The following SPAG17 variants were observed in gnomAD, a reference collection of about 807,000 sequenced individuals.
SPAG17 encodes the protein sperm associated antigen 17.
A neutral mutation model predicts 273.6 loss-of-function variants in SPAG17; 169 were observed. The observed-to-expected ratio is 0.62, with a 90% CI of 0.55 to 0.70. The LOEUF (loss-of-function observed/expected upper bound fraction) is 0.70. Among genes scored for constraint, SPAG17 ranks in the 30% least tolerant of loss-of-function variants. The pLI is 0.00. For missense variants in SPAG17, 2,557 were observed against 2,627.8 expected, an observed-to-expected ratio of 0.97 and a Z score of 0.59; for synonymous variants, 825 against 873.2, an observed-to-expected ratio of 0.94 and a Z score of 0.97.
Position 118,104,166 on chromosome 1 carries a change from CTTAGA to C in SPAG17, c.448-2245_448-2241del, listed in dbSNP as rs1656248765. ...TAGTCCAGAGAAAACCCAATAGTGA[CTTAGA>C]TTAAAGTGTTGGCAGAGTGAAGAAA... On this transcript the variant is annotated intron_variant, in intron 4 of 48. Coordinates refer to ENST00000336338, the MANE Select transcript of SPAG17 (RefSeq NM_206996.4). 2.0e-5 allele frequency among the ~76,000 whole-genome samples: 3 copies of C among 152,066 alleles called. No individual in the cohort carries two copies. The South Asian group carries it at 6.2e-4, about 32-fold the overall frequency.
chr1:118,082,874 T>C (rs1044046998), intron 13 of SPAG17, among the ~76,000 whole-genome samples: 3 of 152,166 alleles, frequency 2.0e-5, no homozygotes, highest in African/African-American at 7.2e-5. Flanking sequence ...GCAACGATCC[T>C]GAGGCAGGGG....
rs10754367 is a variant in SPAG17 at position 118,101,807 on chromosome 1, A to G, written c.567T>C (p.Asn189=). Residue 189 remains asparagine, a synonymous_variant, in exon 5 of 49, where the codon AAT becomes AAC. Coordinates refer to ENST00000336338, the MANE Select transcript of SPAG17 (RefSeq NM_206996.4). ...ACTGGGTGGTCTTTTTCACTGGTGCATTTGCCTCAGGCTGATCCTTTCCCT... is the reference window on the plus strand; with the variant it reads ...ACTGGGTGGTCTTTTTCACTGGTGCGTTTGCCTCAGGCTGATCCTTTCCCT... ...KGKGKDQPEA[N]APVKKTTQLK... 905,317 of 1,613,530 alleles carry G rather than the reference A, an allele frequency of 0.56. 256,543 individuals carry two copies. The highest frequency in any genetic ancestry group is 0.69 in the African/African-American group (51,905 of 74,940).
chr1:117,980,930 A>T (rs1034774833), intron 43 of SPAG17, among the ~76,000 whole-genome samples: 1 of 152,214 alleles, frequency 6.6e-6, no homozygotes, highest in Non-Finnish European at 1.5e-5. Context: ...CTGGTTACTC[A>T]AGAAAAGCTA....
At chr1:118,106,318 G>A (rs1301257668) in intron 4 of SPAG17, among the ~76,000 whole-genome samples, 2 of 152,062 alleles carry the variant, frequency 1.3e-5, no homozygotes, top group Non-Finnish European at 2.9e-5. Flanking sequence ...ACTACAATAG[G>A]TAGAGCACCA....
chr1:118,131,395 T>C (rs10923497), intron 3 of SPAG17, among the ~76,000 whole-genome samples: 10,872 of 152,210 alleles, frequency 0.071, 553 homozygotes, highest in East Asian at 0.26. Context: ...CCAGTTTTGC[T>C]CCCCTGGCTA....
At chr1:117,976,314 CTG>C (rs1336043318) in intron 43 of SPAG17, among the ~76,000 whole-genome samples, 1 of 152,198 alleles carries the variant, frequency 6.6e-6, no homozygotes, top group Non-Finnish European at 1.5e-5. Flanking sequence ...TTGCATTCGT[CTG>C]AATATTACTG....
At chr1:118,147,964 A>G (rs1659126193) in intron 3 of SPAG17, among the ~76,000 whole-genome samples, 1 of 152,212 alleles carries the variant, frequency 6.6e-6, no homozygotes, top group Admixed American at 6.5e-5. Flanking sequence ...TAAAATAAGA[A>G]TAACTAGGCT....
chr1:117,999,104 G>A (rs1294864135), intron 32 of SPAG17, among the ~76,000 whole-genome samples: 1 of 151,878 alleles, frequency 6.6e-6, no homozygotes, highest in East Asian at 1.9e-4. Context: ...CCTTGTGACA[G>A]TTTTCTGAGA....
intron 38 of SPAG17, 122 bp downstream of exon 38, chr1:117,990,739 C>A: frequency 3.4e-6 from 2 of 592,824 alleles, no homozygotes; most frequent in South Asian, 2.7e-5. Context: ...ATGGCCGATA[C>A]AAGAATGGAG....
chr1:118,018,714 G>A (rs1397436884), intron 28 of SPAG17, among the ~76,000 whole-genome samples: 1 of 151,408 alleles, frequency 6.6e-6, no homozygotes, highest in Admixed American at 6.6e-5. Context: ...CATGCCTGTT[G>A]CATGGTGATG....
At chr1:118,095,190 AAAT>A (rs1655628652) in intron 7 of SPAG17, among the ~76,000 whole-genome samples, 1 of 152,200 alleles carries the variant, frequency 6.6e-6, no homozygotes, top group Admixed American at 6.6e-5. Context: ...GAAGTGATTA[AAAT>A]GTGGACACTG....
At chr1:118,031,244 A>G (rs922836259) in intron 25 of SPAG17, among the ~76,000 whole-genome samples, 2 of 109,274 alleles carry the variant, frequency 1.8e-5, no homozygotes, top group Non-Finnish European at 3.5e-5. Flanking sequence ...TAGTCTTGTT[A>G]GATTCTTAGC....
intron 48 of SPAG17, chr1:117,962,323 G>A (rs1040855737): frequency 6.6e-5 from 10 of 152,158 alleles, no homozygotes; most frequent in Non-Finnish European, 1.5e-4. Context: ...TTTTAAGCCA[G>A]GCAAATTTCT....
chr1:118,148,117 A>G (rs530172030), intron 3 of SPAG17, among the ~76,000 whole-genome samples: 312 of 152,324 alleles, frequency 2.0e-3, no homozygotes, highest in African/African-American at 7.2e-3. Context: ...TTGTTAGATT[A>G]TCTTTTATCT....
chr1:118,066,957 C>T, intron 17 of SPAG17, 58 bp from the exon 18 acceptor site: 1 of 1,510,408 alleles, frequency 6.6e-7, no homozygotes, highest in Non-Finnish European at 8.9e-7. Flanking sequence ...AGAGAAGGGT[C>T]TCCTACTAGG....
At chr1:118,063,916 G>T (rs1375638222) in intron 18 of SPAG17, among the ~76,000 whole-genome samples, 2 of 152,142 alleles carry the variant, frequency 1.3e-5, no homozygotes, top group Non-Finnish European at 2.9e-5. Flanking sequence ...CCATCAAAAA[G>T]TGGGCGAAGG....
At chr1:117,984,122 A>G (rs1467793539) in intron 41 of SPAG17, among the ~76,000 whole-genome samples, 1 of 152,266 alleles carries the variant, frequency 6.6e-6, no homozygotes, top group African/African-American at 2.4e-5. Context: ...TGAAATTTTC[A>G]TAGAAATGCA....
chr1:118,001,724 A>G (rs1054799338), intron 32 of SPAG17, among the ~76,000 whole-genome samples: 2 of 151,952 alleles, frequency 1.3e-5, no homozygotes, highest in East Asian at 3.9e-4. Context: ...CTGCTTTATT[A>G]GTCTTCCTAA....
rs892514438 is a variant in SPAG17 at position 118,015,873 on chromosome 1, G to A, written c.4287+92C>T. 2.2e-5 allele frequency: 25 copies of A among 1,114,180 alleles called. No homozygotes were observed. In the African/African-American group the frequency reaches 3.1e-4, roughly 14 times the overall value. 69.0% of individuals were successfully genotyped at this position (1,114,180 alleles called of 1,614,324 possible). On this transcript the variant is annotated intron_variant, in intron 29 of 48. Transcript: ENST00000336338. Reference sequence around the variant, plus strand: ...ATCCACTACTTAACAGACATTTATTGAAAAAATATTATCAGCTAGGCACTC... The same window carrying A: ...ATCCACTACTTAACAGACATTTATTAAAAAAATATTATCAGCTAGGCACTC...
Sources: gnomAD v4.1 joint callset for allele counts (sites outside exome capture counted in the v4.1 genomes callset) on GRCh38, gnomAD v4.1.1 for gene constraint, MANE v1.5 for transcripts, NCBI Gene and HGNC (gene_info 2026-07-23, HGNC 2026-07-21) for gene names.